Variants in TNR observed in about 807,000 individuals in gnomAD.
TNR encodes the protein tenascin R.
A neutral mutation model predicts 150.4 loss-of-function variants in TNR; 45 were observed. The ratio of observed to expected loss-of-function variants is 0.30; its 90% confidence interval spans 0.24 to 0.38. The LOEUF (loss-of-function observed/expected upper bound fraction) is 0.38, where lower values mean the gene tolerates loss of function less well. Ranked by LOEUF, TNR falls within the 10% of genes least tolerant of loss-of-function variation. The pLI is 1.00. For missense variants in TNR, 1,544 were observed against 1,759.1 expected (o/e 0.88, Z 2.19); for synonymous variants, 687 against 678.4 (o/e 1.01, Z -0.20).
intron 1 of TNR, among the ~76,000 whole-genome samples, chr1:175,651,565 A>C (rs1207518677): frequency 6.6e-6 from 1 of 152,032 alleles, no homozygotes; most frequent in Non-Finnish European, 1.5e-5. Flanking sequence ...TTATTATTAC[A>C]GATATTATAA....
At chr1:175,695,196 T>G (rs2101921514) in intron 1 of TNR, among the ~76,000 whole-genome samples, 1 of 152,300 alleles carries the variant, frequency 6.6e-6, no homozygotes, top group Admixed American at 6.5e-5. Context: ...TTTGGATCCC[T>G]TGCTCTTGGG....
intron 1 of TNR, among the ~76,000 whole-genome samples, chr1:175,530,418 G>T (rs1660018118): frequency 6.6e-6 from 1 of 152,214 alleles, no homozygotes. Flanking sequence ...GGTGATTCCT[G>T]AAAAGGGACT....
chr1:175,523,678 A>G (rs1254086359), intron 2 of TNR, among the ~76,000 whole-genome samples: 1 of 152,184 alleles, frequency 6.6e-6, no homozygotes, highest in African/African-American at 2.4e-5. Context: ...TGAGGTCTGT[A>G]TCACCTCTCA....
intron 18 of TNR, among the ~76,000 whole-genome samples, chr1:175,348,391 G>A (rs1159239545): frequency 6.6e-6 from 1 of 152,074 alleles, no homozygotes; most frequent in Non-Finnish European, 1.5e-5. Flanking sequence ...ATTTTTGAGG[G>A]GGGGACTTGA....
intron 2 of TNR, among the ~76,000 whole-genome samples, chr1:175,464,296 C>T (rs562980586): frequency 6.6e-6 from 1 of 152,156 alleles, no homozygotes. Context: ...TCCTAGGAGC[C>T]CCAGGGCTTC....
intron 1 of TNR, among the ~76,000 whole-genome samples, chr1:175,606,985 C>T (rs1052358730): frequency 2.0e-5 from 3 of 152,186 alleles, no homozygotes; most frequent in Non-Finnish European, 4.4e-5. Flanking sequence ...GCTTCACTTC[C>T]TCCCTTACTA....
At chr1:175,513,125 T>C (rs1179999313) in intron 2 of TNR, among the ~76,000 whole-genome samples, 1 of 152,180 alleles carries the variant, frequency 6.6e-6, no homozygotes, top group African/African-American at 2.4e-5. Flanking sequence ...AGGTTTTAAA[T>C]TGGTGGATAA....
At chr1:175,588,914 A>G (rs961409822) in intron 1 of TNR, among the ~76,000 whole-genome samples, 1 of 152,164 alleles carries the variant, frequency 6.6e-6, no homozygotes, top group Non-Finnish European at 1.5e-5. Context: ...TAGACCCAGT[A>G]TGGCCAGTTC....
At chr1:175,387,071 A>G (rs1049552079) in intron 7 of TNR, among the ~76,000 whole-genome samples, 1 of 152,238 alleles carries the variant, frequency 6.6e-6, no homozygotes. Context: ...AGGTCAGGGC[A>G]ACACCTGGAA....
intron 2 of TNR, among the ~76,000 whole-genome samples, chr1:175,417,249 T>G (rs1277423581): frequency 6.6e-6 from 1 of 151,752 alleles, no homozygotes; most frequent in Admixed American, 6.6e-5. Context: ...GTGGGAGACG[T>G]GACTGGAGAA....
intron 3 of TNR, among the ~76,000 whole-genome samples, 171 bp downstream of exon 3, chr1:175,406,045 G>A (rs1438665366): frequency 1.3e-5 from 2 of 152,168 alleles, no homozygotes; most frequent in African/African-American, 2.4e-5. Context: ...CATATTAACC[G>A]GCAGCTACAG....
intron 1 of TNR, among the ~76,000 whole-genome samples, chr1:175,623,477 T>C (rs1281832787): frequency 6.6e-6 from 1 of 152,252 alleles, no homozygotes; most frequent in East Asian, 1.9e-4. Flanking sequence ...TGATGTTTGC[T>C]CACAGGACTA....
At chr1:175,489,177 T>A (rs1658138856) in intron 2 of TNR, among the ~76,000 whole-genome samples, 1 of 152,138 alleles carries the variant, frequency 6.6e-6, no homozygotes, top group African/African-American at 2.4e-5. Context: ...AACTTAACAG[T>A]CCAAGATCAC....
At chr1:175,359,469 G>T in intron 15 of TNR, 143 bp downstream of exon 15, 4 of 1,296,340 alleles carry the variant, frequency 3.1e-6, no homozygotes, top group Non-Finnish European at 4.3e-6. Flanking sequence ...TATCTTGAGG[G>T]CTTCATAGTA....
At chr1:175,407,138 A>G (rs184438468) in intron 2 of TNR, among the ~76,000 whole-genome samples, 67 of 152,290 alleles carry the variant, frequency 4.4e-4, no homozygotes, top group African/African-American at 1.5e-3. Context: ...TTTCACTTCT[A>G]GGTGAGAAAT....
At chr1:175,343,439 G>A (rs1432384115) in intron 18 of TNR, among the ~76,000 whole-genome samples, 2 of 152,192 alleles carry the variant, frequency 1.3e-5, no homozygotes, top group Non-Finnish European at 1.5e-5. Flanking sequence ...GACCCTAGTT[G>A]AGACCAGGGT....
intron 1 of TNR, among the ~76,000 whole-genome samples, chr1:175,609,273 A>T (rs1202816107): frequency 3.3e-5 from 5 of 151,622 alleles, no homozygotes; most frequent in Admixed American, 6.6e-5. Context: ...ACAAATCAAT[A>T]ATCAATAATT....
chr1:175,682,466 G>A (rs1216748937), intron 1 of TNR, among the ~76,000 whole-genome samples: 3 of 152,118 alleles, frequency 2.0e-5, no homozygotes, highest in Non-Finnish European at 4.4e-5. Context: ...TCTACCACAG[G>A]TTCTCTTAAG....
At chr1:175,467,960 C>T (rs1005416884) in intron 2 of TNR, among the ~76,000 whole-genome samples, 2 of 152,128 alleles carry the variant, frequency 1.3e-5, no homozygotes, top group Non-Finnish European at 2.9e-5. Context: ...ATAAATATGT[C>T]CTTAGGGAGA....
Sources: allele counts gnomAD v4.1 joint callset (sites outside exome capture counted in the v4.1 genomes callset), GRCh38; gene constraint gnomAD v4.1.1; transcripts MANE v1.5; gene names NCBI Gene and HGNC (gene_info 2026-07-23, HGNC 2026-07-21).